VIPR2: variants seen among roughly 807,000 people sequenced by gnomAD.
The protein encoded by VIPR2 is vasoactive intestinal peptide receptor 2.
In VIPR2, 48 loss-of-function variants were observed where a neutral mutation model predicts 58.0. The ratio of observed to expected loss-of-function variants is 0.83; its 90% CI spans 0.66 to 1.05. The LOEUF (loss-of-function observed/expected upper bound fraction) is 1.05, where lower values mean the gene tolerates loss of function less well. VIPR2 is among the 50% of genes least tolerant of loss of function. The pLI, the probability that VIPR2 is intolerant of heterozygous loss-of-function variation, is 0.00. For synonymous variants in VIPR2, 243 were observed against 235.2 expected, an observed-to-expected ratio of 1.03 and a Z score of -0.30; for missense variants, 534 against 558.0, an observed-to-expected ratio of 0.96 and a Z score of 0.43.
At position 159,130,553 on chromosome 7, in the gene VIPR2, T is replaced by C. The variant is rs543190125; in HGVS notation, c.151+11893A>G. Reference sequence around the variant, plus strand: ...AAGTGATTCAGCCCACTGAGGACCATTTCCCACACCCCTGTGACGGCACCC... The same window carrying C: ...AAGTGATTCAGCCCACTGAGGACCACTTCCCACACCCCTGTGACGGCACCC... On this transcript the variant is annotated intron_variant, in intron 2 of 12. Coordinates refer to ENST00000262178, the MANE Select transcript of VIPR2 (RefSeq NM_003382.5). Among the ~76,000 whole-genome samples, 73 of 151,716 alleles carry C rather than the reference T, an allele frequency of 4.8e-4. 1 individual carries two copies. The South Asian group carries it at 0.014, about 29-fold the overall frequency.
chr7:159,076,354 A>G (rs958088048), intron 4 of VIPR2, among the ~76,000 whole-genome samples: 1 of 152,234 alleles, frequency 6.6e-6, no homozygotes, highest in African/African-American at 2.4e-5. Flanking sequence ...TTTCAGAGAC[A>G]GTGAAATGCC....
chr7:159,074,050 A>C (rs1462501010), intron 4 of VIPR2, among the ~76,000 whole-genome samples: 1 of 152,246 alleles, frequency 6.6e-6, no homozygotes, highest in African/African-American at 2.4e-5. Flanking sequence ...CAATAAAATA[A>C]AACATGCAAA....
chr7:159,143,598 G>A (rs1257065877), intron 1 of VIPR2, among the ~76,000 whole-genome samples: 1 of 152,192 alleles, frequency 6.6e-6, no homozygotes, highest in Non-Finnish European at 1.5e-5. Flanking sequence ...CTTCTTGCTC[G>A]TGACTGAACC....
Position 159,097,135 on chromosome 7 carries a change from C to T in VIPR2, c.357+6622G>A. ...CGGGATGATCAGATGGTGCCTCCCA[C>T]AAAGGCATCTGCAGTGCCAGCTGCT... is the stretch of plus-strand genomic sequence containing the variant. On this transcript the variant is annotated intron_variant, in intron 4 of 12. Coordinates refer to ENST00000262178, the MANE Select transcript of VIPR2 (RefSeq NM_003382.5). This position sits in a 1 kb window ranked among gnomAD's most constrained non-coding sequence, Gnocchi z 5.3. The T allele has an allele frequency of 6.8e-7, 1 of 1,473,338 alleles. No individual in the cohort carries two copies. The highest frequency in any genetic ancestry group is 9.1e-7 in the Non-Finnish European group (1 of 1,104,618). The allele number at this position is 1,473,338 out of a possible 1,614,324, so 91.3% of individuals were successfully genotyped here.
chr7:159,140,016 A>G (rs1194289283), intron 2 of VIPR2, among the ~76,000 whole-genome samples: 1 of 152,238 alleles, frequency 6.6e-6, no homozygotes, highest in Non-Finnish European at 1.5e-5. Flanking sequence ...GCTTACAAAG[A>G]GAATCCCGTA....
rs1853410754 is a variant in VIPR2, at chr7:159,029,414, C to T, written c.*1202G>A. The T allele has an allele frequency of 6.6e-6, 1 of 152,310 alleles. No homozygotes were observed. The highest frequency in any genetic ancestry group is 1.5e-5 in the Non-Finnish European group (1 of 68,090). 9.4% of individuals were successfully genotyped at this position (152,310 alleles called of 1,614,324 possible). A position where few individuals can be genotyped will look rare whatever the true frequency, so the allele number is the denominator to read the frequency against. Reference sequence around the variant, plus strand: ...ACCCTCCCCACATCTGCAAACCACCCTTCGCCTGAAGGAGCAGCCGCTAGG... The same window carrying T: ...ACCCTCCCCACATCTGCAAACCACCTTTCGCCTGAAGGAGCAGCCGCTAGG... On this transcript the variant is annotated 3_prime_UTR_variant, in exon 13 of 13. Coordinates refer to ENST00000262178, the MANE Select transcript of VIPR2 (RefSeq NM_003382.5).
At chr7:159,126,445 G>A (rs1019079316) in intron 2 of VIPR2, among the ~76,000 whole-genome samples, 1 of 152,194 alleles carries the variant, frequency 6.6e-6, no homozygotes, top group Non-Finnish European at 1.5e-5. Flanking sequence ...AATTAAGAAC[G>A]ATGACAATAA....
intron 2 of VIPR2, among the ~76,000 whole-genome samples, chr7:159,112,900 C>CCCGACT (rs1796091831): frequency 6.7e-6 from 1 of 148,740 alleles, no homozygotes; most frequent in African/African-American, 2.5e-5. Flanking sequence ...GGATCCTGAC[C>CCCGACT]GTGAGGAGGA....
At chr7:159,034,490 G>T in intron 9 of VIPR2, 91 bp downstream of exon 9, 2 of 1,400,096 alleles carry the variant, frequency 1.4e-6, no homozygotes, top group Non-Finnish European at 2.0e-6. Flanking sequence ...GTGGAATGGG[G>T]TCAGTTCTAT....
chr7:159,142,958 G>C (rs1797535049), intron 1 of VIPR2, among the ~76,000 whole-genome samples: 1 of 152,222 alleles, frequency 6.6e-6, no homozygotes, highest in Admixed American at 6.5e-5. Context: ...AAAGAGCCGT[G>C]ATAGAAGGGC....
intron 4 of VIPR2, among the ~76,000 whole-genome samples, chr7:159,101,857 C>A (rs570693330): frequency 4.4e-5 from 6 of 135,818 alleles, no homozygotes; most frequent in African/African-American, 1.8e-4. Context: ...CGAGATCCGA[C>A]GAGGCGGTTC....
chr7:159,038,098 A>G (rs1250738958), intron 6 of VIPR2, among the ~76,000 whole-genome samples: 1 of 152,090 alleles, frequency 6.6e-6, no homozygotes, highest in East Asian at 1.9e-4. Context: ...ACACTTATAT[A>G]TGGGTGGATA....
At chr7:159,123,683 G>A (rs1796553593) in intron 2 of VIPR2, among the ~76,000 whole-genome samples, 1 of 152,178 alleles carries the variant, frequency 6.6e-6, no homozygotes, top group South Asian at 2.1e-4. Flanking sequence ...TAATGGGATT[G>A]CTGGGTCAAA....
At chr7:159,109,224 C>T (rs1157009843) in intron 3 of VIPR2, among the ~76,000 whole-genome samples, 1 of 152,252 alleles carries the variant, frequency 6.6e-6, no homozygotes, top group Non-Finnish European at 1.5e-5. Context: ...AAACCTTTCT[C>T]TCAGGATTCA....
At chr7:159,090,130 C>T (rs1355155141) in intron 4 of VIPR2, among the ~76,000 whole-genome samples, 1 of 139,046 alleles carries the variant, frequency 7.2e-6, no homozygotes, top group Non-Finnish European at 1.5e-5. Context: ...GTGACCTCAG[C>T]ACAGACACGC....
At chr7:159,089,796 G>C (rs1857360133) in intron 4 of VIPR2, among the ~76,000 whole-genome samples, 1 of 152,256 alleles carries the variant, frequency 6.6e-6, no homozygotes, top group South Asian at 2.1e-4. Context: ...ACTGCATACA[G>C]GATGGCAGGA....
intron 2 of VIPR2, among the ~76,000 whole-genome samples, chr7:159,119,363 C>T (rs538437253): frequency 1.8e-4 from 27 of 152,310 alleles, no homozygotes; most frequent in African/African-American, 4.3e-4. Context: ...GCTGGGTGCA[C>T]GGGGCCTCGA....
intron 5 of VIPR2, among the ~76,000 whole-genome samples, chr7:159,044,813 T>A (rs1854550736): frequency 6.6e-6 from 1 of 152,044 alleles, no homozygotes; most frequent in East Asian, 1.9e-4. Flanking sequence ...TCACCCAGGC[T>A]GGAGTGCAAT....
chr7:159,094,024 A>T (rs1284842531), intron 4 of VIPR2, among the ~76,000 whole-genome samples: 1 of 152,216 alleles, frequency 6.6e-6, no homozygotes, highest in Non-Finnish European at 1.5e-5. Context: ...TGACCTCTCA[A>T]GGAAAGGCTC....
Sources: allele counts gnomAD v4.1 joint callset (sites outside exome capture counted in the v4.1 genomes callset), GRCh38; gene constraint gnomAD v4.1.1; non-coding constraint Gnocchi (gnomAD v3.1); transcripts MANE v1.5; gene names NCBI Gene and HGNC (gene_info 2026-07-23, HGNC 2026-07-21).